The following CDIN1 variants were observed in gnomAD, a reference collection of about 807,000 sequenced individuals.
CDIN1 encodes CDAN1-interacting nuclease 1.
CDIN1 carries 33 observed loss-of-function variants against 45.3 expected under a neutral mutation model. The observed-to-expected ratio is 0.73, with a 90% CI of 0.55 to 0.97. The LOEUF is 0.97. Among genes scored for constraint, CDIN1 ranks in the 50% least tolerant of loss-of-function variants. CDIN1 has a pLI of 0.00. For synonymous variants in CDIN1, 118 were observed against 124.4 expected, an observed-to-expected ratio of 0.95 and a Z score of 0.34; for missense variants, 303 against 339.4, an observed-to-expected ratio of 0.89 and a Z score of 0.84.
intron 10 of CDIN1, among the ~76,000 whole-genome samples, chr15:36,740,718 A>G (rs1295824920): frequency 6.6e-6 from 1 of 152,014 alleles, no homozygotes; most frequent in Non-Finnish European, 1.5e-5. Flanking sequence ...GAGAAACCCC[A>G]TCTCCCGTAA....
rs370192968 is a variant in CDIN1, at chr15:36,757,357, T to C, written c.716+47396T>C. On this transcript the variant is annotated intron_variant, in intron 10 of 10. Transcript: ENST00000566621. ...CCTTACATGAGGGTAGTATTAACTC[T>C]TCACAGTAGTGAGTTGTAGCCACTT... 8.5e-4 allele frequency among the ~76,000 whole-genome samples: 130 copies of C among 152,284 alleles called. 2 individuals carry two copies. The South Asian group carries it at 0.019, about 23-fold the overall frequency.
rs1321394723 is a variant in CDIN1 at position 36,579,787 on chromosome 15, C to T, written c.-74C>T. 3 of 1,265,118 alleles carry T rather than the reference C, an allele frequency of 2.4e-6. No individual in the cohort carries two copies. The highest frequency in any genetic ancestry group is 3.0e-5 in the African/African-American group (2 of 67,508). The allele number at this position is 1,265,118 out of a possible 1,614,324, so 78.4% of individuals were successfully genotyped here. On this transcript the variant is annotated 5_prime_UTR_variant, in exon 1 of 11. Transcript: ENST00000566621. ...TGTGCCGCTTTGCCTACCCCTCATC[C>T]CTCGGCACCAAGGCTACTTGAGCCC...
chr15:36,686,954 GAAGGAAGGA>G (rs969877115), intron 5 of CDIN1, among the ~76,000 whole-genome samples: 13 of 136,348 alleles, frequency 9.5e-5, no homozygotes, highest in Non-Finnish European at 2.0e-4. Flanking sequence ...GAAAAGATAG[GAAGGAAGGA>G]AAGGGAGGAA....
chr15:36,747,656 G>C (rs1019255523), intron 10 of CDIN1, among the ~76,000 whole-genome samples: 20 of 152,062 alleles, frequency 1.3e-4, no homozygotes, highest in Middle Eastern at 3.2e-3. Context: ...CTAATCAGTG[G>C]GTTGAGTAAA....
At chr15:36,616,943 A>G (rs1315143830) in intron 1 of CDIN1, 2 of 392,614 alleles carry the variant, frequency 5.1e-6, no homozygotes, top group Non-Finnish European at 4.5e-6. Context: ...ATATATATAT[A>G]TAATGCAAAT....
In CDIN1 at chr15:36,685,591, GCAAAAGAAACTAC is replaced by G. The variant is rs1209830534; in HGVS notation, c.347-6091_347-6079del. Reference sequence around the variant, plus strand: ...AATTAAACTAAAGAGCTTCTGTACAGCAAAAGAAACTACCATCAGAGTGAACAGGCAACCTACA... The same window carrying G: ...AATTAAACTAAAGAGCTTCTGTACAGCATCAGAGTGAACAGGCAACCTACA... On this transcript the variant is annotated intron_variant, in intron 5 of 10. Transcript: ENST00000566621. 2.0e-3 allele frequency among the ~76,000 whole-genome samples: 304 copies of G among 152,224 alleles called. 1 individual carries two copies. The Middle Eastern group carries it at 0.031, about 15-fold the overall frequency.
intron 10 of CDIN1, among the ~76,000 whole-genome samples, chr15:36,717,731 T>G (rs571646324): frequency 1.3e-5 from 2 of 152,258 alleles, no homozygotes; most frequent in South Asian, 4.1e-4. Context: ...GGGAATATTT[T>G]TACCTTTTTA....
rs187012983 is a variant in CDIN1, at chr15:36,611,952, G to A, written c.101+31991G>A. 1.2e-4 allele frequency among the ~76,000 whole-genome samples: 19 copies of A among 152,302 alleles called. No individual in the cohort carries two copies. In the East Asian group the frequency reaches 2.1e-3, roughly 17 times the overall value. On this transcript the variant is annotated intron_variant, in intron 1 of 10. Transcript: ENST00000566621. ...AAGTGAATGAAGACAACTTTTAGCC[G>A]TGGTACATTGTTCAGAATTATAGTA...
chr15:36,642,087 A>G (rs1331370833), intron 1 of CDIN1: 1 of 152,210 alleles, frequency 6.6e-6, no homozygotes, highest in African/African-American at 2.4e-5. Flanking sequence ...CCTTGAGATC[A>G]TGGGACTCTG....
chr15:36,719,984 T>C (rs997215848), intron 10 of CDIN1, among the ~76,000 whole-genome samples: 10 of 152,062 alleles, frequency 6.6e-5, no homozygotes, highest in Non-Finnish European at 1.0e-4. Flanking sequence ...CTGATATTGA[T>C]AATTGTGTCT....
chr15:36,788,956 G>A lies in CDIN1; in HGVS notation c.717-19368G>A, dbSNP rs116725241. On this transcript the variant is annotated intron_variant, in intron 10 of 10. Transcript: ENST00000566621. ...CTTCATCCTCCTAAATAACAGACTC[G>A]CATTTTCTAGAAAGCATAAAGTACC... 6.0e-3 allele frequency among the ~76,000 whole-genome samples: 908 copies of A among 152,210 alleles called. 11 individuals are homozygous for A. Among genetic ancestry groups the A allele is most frequent in the African/African-American group, 0.02 (850 of 41,496 alleles).
intron 1 of CDIN1, among the ~76,000 whole-genome samples, chr15:36,622,732 C>G (rs1339258615): frequency 1.3e-5 from 2 of 152,194 alleles, no homozygotes; most frequent in Non-Finnish European, 2.9e-5. Flanking sequence ...AAGTCATGGG[C>G]AGACCCCAGG....
chr15:36,703,198 A>G lies in CDIN1; in HGVS notation c.544+5808A>G, dbSNP rs749730871. On this transcript the variant is annotated intron_variant, in intron 8 of 10. Coordinates refer to ENST00000566621, the MANE Select transcript of CDIN1 (RefSeq NM_001321759.2). ...GCACCTCTGCACTCCAGCCTGGGCA[A>G]TAGAGTGAGACCCTGTCTCAAATAT... Among the ~76,000 whole-genome samples the G allele has an allele frequency of 1.4e-4, 14 of 98,272 alleles. 1 individual carries two copies. Among genetic ancestry groups the G allele is most frequent in the Non-Finnish European group, 2.0e-4 (9 of 45,856 alleles). The allele number at this position is 98,272 out of a possible 152,430, so 64.5% of individuals were successfully genotyped here.
intron 1 of CDIN1, among the ~76,000 whole-genome samples, chr15:36,619,478 T>G (rs1413698583): frequency 8.7e-6 from 1 of 115,440 alleles, no homozygotes; most frequent in African/African-American, 3.5e-5. Flanking sequence ...TTTCTATCTA[T>G]CTATCTATCT....
At chr15:36,633,375 TAGTGCTTATC>T (rs2039760700) in intron 1 of CDIN1, among the ~76,000 whole-genome samples, 1 of 152,190 alleles carries the variant, frequency 6.6e-6, no homozygotes, top group South Asian at 2.1e-4. Flanking sequence ...TTCTTGAGTT[TAGTGCTTATC>T]AGTCTCATAT....
intron 10 of CDIN1, among the ~76,000 whole-genome samples, chr15:36,793,137 C>T (rs566974653): frequency 2.0e-4 from 30 of 152,278 alleles, no homozygotes; most frequent in African/African-American, 6.7e-4. Context: ...GCTTCCTTCT[C>T]TGAGCTACCC....
At chr15:36,735,071 C>T (rs2043968383) in intron 10 of CDIN1, among the ~76,000 whole-genome samples, 1 of 152,184 alleles carries the variant, frequency 6.6e-6, no homozygotes, top group Admixed American at 6.5e-5. Flanking sequence ...CTGCAAACTA[C>T]TTTGTTCCTA....
chr15:36,752,637 A>G (rs941198785), intron 10 of CDIN1, among the ~76,000 whole-genome samples: 1 of 152,208 alleles, frequency 6.6e-6, no homozygotes, highest in Non-Finnish European at 1.5e-5. Context: ...CTGAATAAAC[A>G]TTTACCATTT....
At chr15:36,758,215 G>A (rs1367040480) in intron 10 of CDIN1, among the ~76,000 whole-genome samples, 2 of 152,074 alleles carry the variant, frequency 1.3e-5, no homozygotes, top group East Asian at 3.9e-4. Flanking sequence ...CTCAGAGCAG[G>A]CTAGAAAACT....
Sources: allele counts gnomAD v4.1 joint callset (sites outside exome capture counted in the v4.1 genomes callset), GRCh38; gene constraint gnomAD v4.1.1; transcripts MANE v1.5; gene names NCBI Gene and HGNC (gene_info 2026-07-23, HGNC 2026-07-21).